Variants in C7 observed in about 807,000 individuals in gnomAD.
C7 encodes complement component C7.
Under a neutral mutation model 104.8 loss-of-function variants are expected in C7, and 83 were observed. The observed-to-expected ratio is 0.79, with a 90% CI of 0.66 to 0.95. The LOEUF is 0.95. Ranked by LOEUF, C7 falls within the 40% of genes least tolerant of loss-of-function variation. The probability of loss-of-function intolerance (pLI) is 0.00; values close to 1 mark genes in which losing one functional copy is unlikely to be tolerated. For missense variants in C7, 1,070 were observed against 1,011.2 expected (o/e 1.06, Z -0.79); for synonymous variants, 415 against 360.6 (o/e 1.15, Z -1.71).
Position 40,924,217 on chromosome 5 carries a change from G to C in C7, c.7-4363G>C, listed in dbSNP as rs139539399. On this transcript the variant is annotated intron_variant, in intron 1 of 17. Coordinates refer to ENST00000313164, the MANE Select transcript of C7 (RefSeq NM_000587.4). Reference sequence around the variant, plus strand: ...AAAGAAGAGAAATCAGCTACTAGAAGGAGGCTACAGGCCCCATGGAAGTCT... The same window carrying C: ...AAAGAAGAGAAATCAGCTACTAGAACGAGGCTACAGGCCCCATGGAAGTCT... Among the ~76,000 whole-genome samples, 1,305 of 152,296 alleles carry C rather than the reference G, an allele frequency of 8.6e-3. 18 individuals are homozygous for C. The highest frequency in any genetic ancestry group is 0.028 in the African/African-American group (1,170 of 41,568).
At chr5:40,978,089 C>A (rs1168887605) in intron 16 of C7, among the ~76,000 whole-genome samples, 1 of 145,476 alleles carries the variant, frequency 6.9e-6, no homozygotes, top group Non-Finnish European at 1.5e-5. Context: ...GAGCCACATT[C>A]ATGCCACCGC....
intron 16 of C7, among the ~76,000 whole-genome samples, chr5:40,978,140 G>GA (rs869311131): frequency 5.1e-4 from 55 of 107,632 alleles, no homozygotes; most frequent in Admixed American, 1.5e-3. Context: ...ATCTCAAAAA[G>GA]AAAAAAAAAA....
At chr5:40,936,565 T>A in intron 5 of C7, 80 bp downstream of exon 5, 1 of 1,328,862 alleles carries the variant, frequency 7.5e-7, no homozygotes, top group East Asian at 2.5e-5. Flanking sequence ...TTGGTAAGTC[T>A]ACGAACAAGT....
Position 40,945,232 on chromosome 5 carries a change from A to T in C7, c.602A>T (p.Tyr201Phe). ...AATAATGATTTTAATTATGAATTTT[A>T]CAATAGTACTTGGTCTTATGTAAAA... is the stretch of plus-strand genomic sequence containing the variant. The part of the protein sequence containing the change: ...KINNDFNYEF[Y>F]NSTWSYVKHT... The change falls in exon 7 of 18, where the codon TAC becomes TTC. Residue 201 changes from tyrosine (Y) to phenylalanine (F), a missense_variant. Coordinates refer to ENST00000313164, the MANE Select transcript of C7 (RefSeq NM_000587.4). 6.5e-7 allele frequency: 1 copy of T among 1,535,412 alleles called. No individual in the cohort carries two copies. Among genetic ancestry groups the T allele is most frequent in the East Asian group, 2.3e-5 (1 of 43,314 alleles).
rs1561253268 is a variant in C7, at chr5:40,959,501, AG to A, written c.1545del (p.Lys516ArgfsTer38). ...CWSSWSPCVQ[G>X]KKTRSRECNN... ...GGTCCTCTTGGAGCCCCTGTGTCCA[AG>A]GGAAGAAAACAAGAAGCCGTGAATG... is the stretch of plus-strand genomic sequence containing the variant. On this transcript the variant is annotated frameshift_variant, in exon 12 of 18. Transcript: ENST00000313164. LOFTEE classifies it high-confidence loss of function. The A allele has an allele frequency of 3.1e-6, 5 of 1,611,522 alleles. No individual in the cohort carries two copies. The highest frequency in any genetic ancestry group is 1.1e-5 in the South Asian group (1 of 90,698).
chr5:40,958,261 G>A lies in C7; in HGVS notation c.1489G>A (p.Gly497Arg), dbSNP rs989098811. 5 of 1,578,958 alleles carry A rather than the reference G, an allele frequency of 3.2e-6. No individual in the cohort carries two copies. The Admixed American group carries it at 8.8e-5, about 28-fold the overall frequency. Residue 497 changes from glycine to arginine, a missense_variant and splice_region_variant, in exon 11 of 18, where the codon GGA becomes AGA. By Grantham distance (125) the Gly-to-Arg change is moderately radical. Transcript: ENST00000313164. ...EQGVLVGNQA[G>R]GVDGGWSCWS... ...AGGAGTCCTCGTAGGGAATCAAGCA[G>A]GTCAGTGGGGTGAATTTTCTCTAGC...
chr5:40,974,754 A>G (rs1714305409), intron 15 of C7, among the ~76,000 whole-genome samples: 1 of 152,186 alleles, frequency 6.6e-6, no homozygotes, highest in African/African-American at 2.4e-5. Flanking sequence ...TTTAAAATCT[A>G]AAATTTCAGG....
rs578232961 is a variant in C7 at position 40,954,183 on chromosome 5, T to C, written c.1094-1204T>C. ...GTTAATTAACAGCTTATTTTATTCA[T>C]TGTTAGTATACCAGATGCAATAAAC... On this transcript the variant is annotated intron_variant, in intron 9 of 17. Transcript: ENST00000313164. Among the ~76,000 whole-genome samples the C allele has an allele frequency of 2.0e-5, 3 of 152,332 alleles. No individual in the cohort carries two copies. In the South Asian group the frequency reaches 6.2e-4, roughly 32 times the overall value.
chr5:40,936,316 C>T lies in C7; in HGVS notation c.281-22C>T, dbSNP rs144532063. 2.3e-4 allele frequency: 368 copies of T among 1,611,882 alleles called. 1 individual carries two copies. The African/African-American group carries it at 3.2e-3, about 14-fold the overall frequency. ...TCCTCTTCCCTCTTTTACATTTGCA[C>T]GTGGATTTCTCTGGTGTTCAGGTCA... is the stretch of plus-strand genomic sequence containing the variant. On this transcript the variant is annotated intron_variant, in intron 4 of 17. Coordinates refer to ENST00000313164, the MANE Select transcript of C7 (RefSeq NM_000587.4).
chr5:40,967,298 T>C (rs940103619), intron 14 of C7, among the ~76,000 whole-genome samples: 1 of 152,168 alleles, frequency 6.6e-6, no homozygotes, highest in African/African-American at 2.4e-5. Flanking sequence ...TCTCTTGACC[T>C]CATGATTTGT....
intron 17 of C7, among the ~76,000 whole-genome samples, chr5:40,980,550 A>G (rs946612665): frequency 6.6e-6 from 1 of 152,268 alleles, no homozygotes; most frequent in Non-Finnish European, 1.5e-5. Context: ...TAGTACTTAC[A>G]GTGATCTTGA....
chr5:40,947,298 T>C (rs1579856151), intron 7 of C7, among the ~76,000 whole-genome samples: 1 of 151,368 alleles, frequency 6.6e-6, no homozygotes, highest in South Asian at 2.1e-4. Context: ...CAGGGTTTCA[T>C]CATGTTGGCC....
chr5:40,956,177 A>T lies in C7; in HGVS notation c.1260+624A>T, dbSNP rs57868813. ...GAAAAAGACAGGTGCCAATAAAAAT[A>T]CTTGCATGGTTTTATACATGTTAAA... On this transcript the variant is annotated intron_variant, in intron 10 of 17. Coordinates refer to ENST00000313164, the MANE Select transcript of C7 (RefSeq NM_000587.4). 9.0e-3 allele frequency among the ~76,000 whole-genome samples: 1,369 copies of T among 152,348 alleles called. 18 individuals carry two copies. Among genetic ancestry groups the T allele is most frequent in the African/African-American group, 0.032 (1,320 of 41,582 alleles).
At chr5:40,950,244 CTGT>C (rs1579858317) in intron 9 of C7, among the ~76,000 whole-genome samples, 2 of 38,146 alleles carry the variant, frequency 5.2e-5, no homozygotes, top group Non-Finnish European at 1.9e-4. Context: ...TGTTGCTCCT[CTGT>C]CTATTTCCAT....
intron 14 of C7, 63 bp downstream of exon 14, chr5:40,964,936 G>A (rs1740512356): frequency 6.4e-7 from 1 of 1,566,558 alleles, no homozygotes; most frequent in Non-Finnish European, 8.8e-7. Flanking sequence ...AATGAATCAA[G>A]ATAAATAACA....
chr5:40,932,001 A>T (rs1161361321), intron 3 of C7, among the ~76,000 whole-genome samples: 1 of 152,130 alleles, frequency 6.6e-6, no homozygotes, highest in Admixed American at 6.5e-5. Context: ...CTCGTGATCC[A>T]CCTGCCTCGG....
Position 40,981,762 on chromosome 5 carries a change from C to T in C7, c.*189C>T, listed in dbSNP as rs867623086. 12 of 513,642 alleles carry T rather than the reference C, an allele frequency of 2.3e-5. No individual in the cohort carries two copies. The highest frequency in any genetic ancestry group is 3.7e-5 in the Non-Finnish European group (11 of 294,876). The allele number at this position is 513,642 out of a possible 1,614,324, so 31.8% of individuals were successfully genotyped here. ...AAATCTGAATCGAATTACTCTTTTG[C>T]CTCCTTTTTAATGTCAGTAAGGATA... On this transcript the variant is annotated 3_prime_UTR_variant, in exon 18 of 18. Transcript: ENST00000313164.
intron 3 of C7, 120 bp downstream of exon 3, chr5:40,931,259 T>C: frequency 1.4e-6 from 1 of 709,650 alleles, no homozygotes; most frequent in East Asian, 2.8e-5. Context: ...AAAACTATGT[T>C]TGTAATTTTG....
chr5:40,952,896 T>TTAAGAA (rs2111647295), intron 9 of C7, among the ~76,000 whole-genome samples: 1 of 152,276 alleles, frequency 6.6e-6, no homozygotes, highest in East Asian at 1.9e-4. Context: ...AATCTGCAGT[T>TTAAGAA]CTTACATAGG....
Sources: gnomAD v4.1 joint callset for allele counts (sites outside exome capture counted in the v4.1 genomes callset) on GRCh38, gnomAD v4.1.1 for gene constraint, MANE v1.5 for transcripts, NCBI Gene and HGNC (gene_info 2026-07-23, HGNC 2026-07-21) for gene names.